Variants in NRCAM observed in about 807,000 individuals in gnomAD.
NRCAM encodes the protein NgCAM-related cell adhesion molecule.
A neutral mutation model predicts 156.5 loss-of-function variants in NRCAM; 83 were observed. The observed-to-expected ratio is 0.53, with a 90% confidence interval of 0.44 to 0.64. The LOEUF (loss-of-function observed/expected upper bound fraction) is 0.64, where lower values mean the gene tolerates loss of function less well. Among genes scored for constraint, NRCAM ranks in the 30% least tolerant of loss-of-function variants. The probability of loss-of-function intolerance (pLI) is 0.00; values close to 1 mark genes in which losing one functional copy is unlikely to be tolerated. For missense variants in NRCAM, 1,417 were observed against 1,597.3 expected (o/e 0.89, Z 1.92); for synonymous variants, 538 against 563.9 (o/e 0.95, Z 0.65).
chr7:108,345,053 GA>G (rs925547233), intron 2 of NRCAM, among the ~76,000 whole-genome samples: 1 of 152,174 alleles, frequency 6.6e-6, no homozygotes, highest in Non-Finnish European at 1.5e-5. Flanking sequence ...ATGAACAGGG[GA>G]TAAAGAATGT....
intron 3 of NRCAM, among the ~76,000 whole-genome samples, chr7:108,246,807 C>T (rs187055330): frequency 4.6e-5 from 7 of 152,336 alleles, no homozygotes; most frequent in African/African-American, 1.7e-4. Flanking sequence ...ATTAATATGG[C>T]AGGTAGACTG....
In NRCAM at chr7:108,291,981, G is replaced by A. The variant is rs576953184; in HGVS notation, c.-107+20684C>T. 2.5e-4 allele frequency among the ~76,000 whole-genome samples: 38 copies of A among 152,280 alleles called. No homozygotes were observed. In the Middle Eastern group the frequency reaches 0.027, roughly 109 times the overall value. ...AAGCTAAAGAATACAGCTGTGCAGC[G>A]GAGGAAAGGGCACTGGGGCCCCGCT... On this transcript the variant is annotated intron_variant, in intron 3 of 32. Coordinates refer to ENST00000379028, the MANE Select transcript of NRCAM (RefSeq NM_001037132.4).
chr7:108,281,738 G>C (rs1412929220), intron 3 of NRCAM, among the ~76,000 whole-genome samples: 1 of 152,204 alleles, frequency 6.6e-6, no homozygotes, highest in East Asian at 1.9e-4. Context: ...CAAGCTTGGG[G>C]CTTCTCTGAC....
intron 22 of NRCAM, among the ~76,000 whole-genome samples, chr7:108,183,256 T>C (rs1303479950): frequency 2.0e-5 from 3 of 151,720 alleles, no homozygotes; most frequent in South Asian, 4.2e-4. Flanking sequence ...GTTTGTGCAA[T>C]AGTACATCAT....
intron 7 of NRCAM, 76 bp from the exon 8 acceptor site, chr7:108,231,229 A>G: frequency 9.4e-7 from 1 of 1,066,008 alleles, no homozygotes; most frequent in South Asian, 1.7e-5. Flanking sequence ...AAATAAAGGC[A>G]AACTGAAGTT....
At chr7:108,215,291 C>T (rs1370074316) in intron 11 of NRCAM, among the ~76,000 whole-genome samples, 1 of 150,678 alleles carries the variant, frequency 6.6e-6, no homozygotes, top group Non-Finnish European at 1.5e-5. Flanking sequence ...CGGCTCACTG[C>T]AAGCTCCGCA....
chr7:108,290,852 C>A (rs1392645028), intron 3 of NRCAM, among the ~76,000 whole-genome samples: 1 of 152,152 alleles, frequency 6.6e-6, no homozygotes, highest in African/African-American at 2.4e-5. Flanking sequence ...CATCAACTCG[C>A]TACTGTAGCC....
In NRCAM at chr7:108,225,675, C is replaced by A; in HGVS notation, c.748G>T (p.Ala250Ser). The A allele has an allele frequency of 6.2e-7, 1 of 1,600,284 alleles. No individual in the cohort carries two copies. Among genetic ancestry groups the A allele is most frequent in the Non-Finnish European group, 8.6e-7 (1 of 1,167,640 alleles). The change falls in exon 10 of 33, where the codon GCT becomes TCT. Residue 250 changes from alanine (A) to serine (S), a missense_variant. Coordinates refer to ENST00000379028, the MANE Select transcript of NRCAM (RefSeq NM_001037132.4). The stretch of plus-strand genomic sequence containing the variant: ...TAAAACTCAGTGTCACTCAAATTAG[C>A]AGCTATAGTGTCATTCAATTCATCC... ...SVDELNDTIA[A>S]NLSDTEFYGA...
At chr7:108,455,644 G>A (rs958806296) in intron 1 of NRCAM, among the ~76,000 whole-genome samples, 1 of 152,194 alleles carries the variant, frequency 6.6e-6, no homozygotes, top group African/African-American at 2.4e-5. Context: ...GACTGGAGAA[G>A]CGAAGTCGGC....
At chr7:108,162,171 G>T (rs1446391991) in intron 30 of NRCAM, among the ~76,000 whole-genome samples, 1 of 152,206 alleles carries the variant, frequency 6.6e-6, no homozygotes, top group Non-Finnish European at 1.5e-5. Flanking sequence ...ACCTGTGTCT[G>T]ACTCCAGAAA....
chr7:108,314,833 T>C lies in NRCAM; in HGVS notation c.-173-2102A>G, dbSNP rs539617767. Among the ~76,000 whole-genome samples the C allele has an allele frequency of 2.6e-5, 4 of 152,286 alleles. No homozygotes were observed. In the South Asian group the frequency reaches 8.3e-4, roughly 32 times the overall value. On this transcript the variant is annotated intron_variant, in intron 2 of 32. Transcript: ENST00000379028. ...TACAAGCAGTATTAGGTAAAAAGTA[T>C]CAGCAGGCAAAAACTTGCAAAATCT...
intron 3 of NRCAM, among the ~76,000 whole-genome samples, chr7:108,269,710 C>G (rs1209719360): frequency 1.3e-5 from 2 of 152,176 alleles, no homozygotes; most frequent in African/African-American, 4.8e-5. Context: ...CTCCATTAAT[C>G]AGTCAGTTAA....
rs559690576 is a variant in NRCAM at position 108,251,212 on chromosome 7, A to G, written c.-106-11042T>C. 1.8e-4 allele frequency among the ~76,000 whole-genome samples: 27 copies of G among 152,322 alleles called. 1 individual carries two copies. In the South Asian group the frequency reaches 5.2e-3, roughly 29 times the overall value. ...ATATGGGGAGTAAGAAAAAAGTGAG[A>G]TAAGGAGGACAAAGAAAAAGCAAGG... On this transcript the variant is annotated intron_variant, in intron 3 of 32. Coordinates refer to ENST00000379028, the MANE Select transcript of NRCAM (RefSeq NM_001037132.4).
At chr7:108,292,105 A>C (rs2098315446) in intron 3 of NRCAM, among the ~76,000 whole-genome samples, 1 of 152,184 alleles carries the variant, frequency 6.6e-6, no homozygotes, top group Non-Finnish European at 1.5e-5. Context: ...TTAGCCAGAA[A>C]TTCAAACTTT....
intron 2 of NRCAM, among the ~76,000 whole-genome samples, chr7:108,337,089 C>A (rs914579809): frequency 6.6e-6 from 1 of 152,080 alleles, no homozygotes; most frequent in Non-Finnish European, 1.5e-5. Flanking sequence ...CATGGTGAAA[C>A]CCCATCTCTA....
intron 2 of NRCAM, among the ~76,000 whole-genome samples, chr7:108,333,891 C>A (rs77578335): frequency 0.017 from 2,612 of 152,198 alleles, 75 homozygotes; most frequent in African/African-American, 0.06. Context: ...CTTCACAAAA[C>A]CCCCATCTCT....
chr7:108,293,215 T>C (rs2098359571), intron 3 of NRCAM, among the ~76,000 whole-genome samples: 1 of 152,168 alleles, frequency 6.6e-6, no homozygotes, highest in Non-Finnish European at 1.5e-5. Context: ...CTCATAGGCC[T>C]GACCCCAACT....
intron 13 of NRCAM, 94 bp from the exon 14 acceptor site, chr7:108,198,193 C>G (rs388557): frequency 1.1e-6 from 1 of 931,702 alleles, no homozygotes; most frequent in Non-Finnish European, 1.6e-6. Context: ...ATAAAGACTG[C>G]TCTAAGTACA....
chr7:108,416,658 T>C (rs965801003), intron 1 of NRCAM, among the ~76,000 whole-genome samples: 7 of 152,182 alleles, frequency 4.6e-5, no homozygotes, highest in African/African-American at 1.7e-4. Context: ...TATAGTATGC[T>C]TTTCAAGATT....
Sources: gnomAD v4.1 joint callset for allele counts (sites outside exome capture counted in the v4.1 genomes callset) on GRCh38, gnomAD v4.1.1 for gene constraint, MANE v1.5 for transcripts, NCBI Gene and HGNC (gene_info 2026-07-23, HGNC 2026-07-21) for gene names.